The following DAAM2 variants were observed in gnomAD, a reference collection of about 807,000 sequenced individuals.
DAAM2 encodes the protein dishevelled associated activator of morphogenesis 2.
DAAM2 carries 39 observed loss-of-function variants against 120.7 expected under a neutral mutation model. That is an observed-to-expected ratio of 0.32 (90% CI 0.25 to 0.42). DAAM2 has a LOEUF of 0.42. Among genes scored for constraint, DAAM2 ranks in the 10% least tolerant of loss-of-function variants. The pLI, the probability that DAAM2 is intolerant of heterozygous loss-of-function variation, is 1.00. For synonymous variants in DAAM2, 488 were observed against 524.9 expected, an observed-to-expected ratio of 0.93 and a Z score of 0.96; for missense variants, 1,283 against 1,401.7, an observed-to-expected ratio of 0.92 and a Z score of 1.35.
At chr6:39,836,439 C>T (rs887772460) in intron 1 of DAAM2, among the ~76,000 whole-genome samples, 22 of 152,164 alleles carry the variant, frequency 1.4e-4, no homozygotes, top group African/African-American at 3.4e-4. Flanking sequence ...ACAAGAAAAA[C>T]GCGAGGTCAT....
chr6:39,821,021 G>A (rs1402526495), intron 1 of DAAM2: 5 of 152,290 alleles, frequency 3.3e-5, no homozygotes, highest in Non-Finnish European at 7.3e-5. Context: ...GGAGAAGCTT[G>A]TCATACCACA....
Position 39,867,816 on chromosome 6 carries a change from G to A in DAAM2, c.735G>A (p.Val245=), listed in dbSNP as rs1314106894. 1.2e-6 allele frequency: 2 copies of A among 1,606,166 alleles called. No homozygotes were observed. Among genetic ancestry groups the A allele is most frequent in the Non-Finnish European group, 1.7e-6 (2 of 1,176,818 alleles). ...TGCAGGCCATGCTGCACTACCAGGT[G>A]TATGCAGCAGAGCGAACCCGCTTCC... ...KVLQAMLHYQ[V]YAAERTRFQT... is the part of the protein sequence containing the mutation. Residue 245 remains valine (V), a synonymous_variant, in exon 6 of 25, where the codon GTG becomes GTA. Transcript: ENST00000274867.
At chr6:39,896,781 G>A (rs9380909) in intron 19 of DAAM2, 31 bp from the exon 20 acceptor site, 60,583 of 1,530,224 alleles carry the variant, frequency 0.04, 3,653 homozygotes, top group East Asian at 0.23. Context: ...CCTAGCCCAT[G>A]CAGGCCTCTG....
At chr6:39,880,578 T>G (rs879423815) in intron 14 of DAAM2, among the ~76,000 whole-genome samples, 1 of 152,106 alleles carries the variant, frequency 6.6e-6, no homozygotes, top group South Asian at 2.1e-4. Context: ...CTGAGATGAG[T>G]TAAGGGTGAG....
Position 39,902,300 on chromosome 6 carries a change from G to C in DAAM2, c.*263G>C, listed in dbSNP as rs1766540784. On this transcript the variant is annotated 3_prime_UTR_variant, in exon 25 of 25. Transcript: ENST00000274867. ...GGCTGCCTTGGATGGCCTCAGGCCAGGTAACCCCAGGCTGAAGGGGCCCTG... is the reference window on the plus strand; with the variant it reads ...GGCTGCCTTGGATGGCCTCAGGCCACGTAACCCCAGGCTGAAGGGGCCCTG... 2 of 358,668 alleles carry C rather than the reference G, an allele frequency of 5.6e-6. No homozygotes were observed. The highest frequency in any genetic ancestry group is 1.6e-4 in the South Asian group (2 of 12,596). 22.2% of individuals were successfully genotyped at this position (358,668 alleles called of 1,614,324 possible).
intron 21 of DAAM2, 158 bp downstream of exon 21, chr6:39,897,440 G>A: frequency 1.7e-6 from 1 of 592,260 alleles, no homozygotes; most frequent in Non-Finnish European, 3.0e-6. Context: ...ACACAGCAAA[G>A]GGGGTTTAGC....
intron 1 of DAAM2, among the ~76,000 whole-genome samples, chr6:39,809,481 T>G (rs1423160929): frequency 2.0e-5 from 3 of 152,108 alleles, no homozygotes; most frequent in Non-Finnish European, 4.4e-5. Flanking sequence ...AGGAAAGAAA[T>G]CTGAAGAGGT....
At position 39,874,314 on chromosome 6, in the gene DAAM2, A is replaced by G. The variant is rs531739919; in HGVS notation, c.1162+959A>G. Among the ~76,000 whole-genome samples the G allele has an allele frequency of 2.0e-5, 3 of 152,302 alleles. No individual in the cohort carries two copies. In the South Asian group the frequency reaches 6.2e-4, roughly 32 times the overall value. The stretch of plus-strand genomic sequence containing the variant: ...TGGCTTTACACGATTTTGCTGGGTG[A>G]AAAGTAGATGGTAAATGATACAACT... On this transcript the variant is annotated intron_variant, in intron 10 of 24. Coordinates refer to ENST00000274867, the MANE Select transcript of DAAM2 (RefSeq NM_001201427.2).
chr6:39,895,575 C>A (rs549847371), intron 19 of DAAM2, among the ~76,000 whole-genome samples: 14 of 152,124 alleles, frequency 9.2e-5, no homozygotes, highest in African/African-American at 3.4e-4. Flanking sequence ...TTAGCAAAGT[C>A]GTTTTCATTT....
At chr6:39,834,258 AG>A (rs2114218964) in intron 1 of DAAM2, among the ~76,000 whole-genome samples, 1 of 152,262 alleles carries the variant, frequency 6.6e-6, no homozygotes, top group Non-Finnish European at 1.5e-5. Flanking sequence ...AGATTTAGAG[AG>A]GGGCTTGTTG....
At chr6:39,876,506 G>A (rs1025122091) in intron 11 of DAAM2, among the ~76,000 whole-genome samples, 4 of 152,178 alleles carry the variant, frequency 2.6e-5, no homozygotes, top group Non-Finnish European at 4.4e-5. Flanking sequence ...CTTTTCCACT[G>A]CCAGAGGATA....
At chr6:39,884,256 G>T in intron 15 of DAAM2, 187 bp downstream of exon 15, 1 of 551,464 alleles carries the variant, frequency 1.8e-6, no homozygotes, top group South Asian at 2.7e-5. Context: ...TTCTTTATGA[G>T]GTGATGATTT....
chr6:39,895,797 G>C (rs1766043293), intron 19 of DAAM2, among the ~76,000 whole-genome samples: 1 of 152,176 alleles, frequency 6.6e-6, no homozygotes. Flanking sequence ...ACAGCAGAAT[G>C]AATTATTGAA....
intron 7 of DAAM2, among the ~76,000 whole-genome samples, chr6:39,869,751 T>A (rs1256283081): frequency 1.6e-4 from 19 of 119,362 alleles, no homozygotes; most frequent in Non-Finnish European, 2.5e-4. Context: ...TCCGCCAGCA[T>A]ACTTTTTTTT....
At position 39,867,767 on chromosome 6, in the gene DAAM2, T is replaced by G; in HGVS notation, c.686T>G (p.Val229Gly). The G allele has an allele frequency of 6.2e-7, 1 of 1,613,724 alleles. No homozygotes were observed. Among genetic ancestry groups the G allele is most frequent in the Non-Finnish European group, 8.5e-7 (1 of 1,179,850 alleles). The change falls in exon 6 of 25, where the codon GTG becomes GGG. Residue 229 changes from valine (V) to glycine (G), a missense_variant. Val to Gly is a moderately radical substitution (Grantham distance 109). Coordinates refer to ENST00000274867, the MANE Select transcript of DAAM2 (RefSeq NM_001201427.2). ...GAGATCCTGGGTGCTGTGTGCCTCG[T>G]GCCTGGTGGCCACAAGAAGGTGCTG... ...VLEILGAVCL[V>G]PGGHKKVLQA...
rs1308259243 is a variant in DAAM2, at chr6:39,901,079, G to A, written c.2812-223G>A. 6.6e-6 allele frequency among the ~76,000 whole-genome samples: 1 copy of A among 152,112 alleles called. No individual in the cohort carries two copies. The highest frequency in any genetic ancestry group is 1.5e-5 in the Non-Finnish European group (1 of 68,028). The stretch of plus-strand genomic sequence containing the variant: ...CTTACAGGCCCAGGGGTGGCTCTAA[G>A]GTGGACTGAGTGAGCCCAACTCTTT... On this transcript the variant is annotated intron_variant, in intron 23 of 24. Coordinates refer to ENST00000274867, the MANE Select transcript of DAAM2 (RefSeq NM_001201427.2). The surrounding 1 kb of genome is among the most constrained non-coding windows in gnomAD (Gnocchi z 4.5).
intron 1 of DAAM2, among the ~76,000 whole-genome samples, chr6:39,807,597 A>C (rs1222300134): frequency 6.6e-6 from 1 of 151,886 alleles, no homozygotes; most frequent in African/African-American, 2.4e-5. Flanking sequence ...TTTCACTGCA[A>C]CCTCCGCCTC....
intron 11 of DAAM2, among the ~76,000 whole-genome samples, chr6:39,875,753 C>CCAT (rs1764843890): frequency 6.6e-6 from 1 of 152,158 alleles, no homozygotes; most frequent in African/African-American, 2.4e-5. Context: ...AGCCACATGA[C>CCAT]ACGTGGCTAG....
rs781432003 is a variant in DAAM2 at position 39,868,835 on chromosome 6, G to A, written c.775G>A (p.Glu259Lys). ...ERTRFQTLLNELDRSLGRYRD... is the reference protein window; with the variant it reads ...ERTRFQTLLNKLDRSLGRYRD... The stretch of plus-strand genomic sequence containing the variant: ...CATTTCCACCTAGACCCTGCTGAAC[G>A]AGCTAGACCGAAGTCTGGGCCGGTA... The change falls in exon 7 of 25, where the codon GAG becomes AAG. Residue 259 changes from glutamate (E) to lysine (K), a missense_variant. Coordinates refer to ENST00000274867, the MANE Select transcript of DAAM2 (RefSeq NM_001201427.2). The A allele has an allele frequency of 5.1e-6, 8 of 1,579,520 alleles. No individual in the cohort carries two copies. Among genetic ancestry groups the A allele is most frequent in the East Asian group, 2.3e-5 (1 of 42,968 alleles).
Sources: allele counts gnomAD v4.1 joint callset (sites outside exome capture counted in the v4.1 genomes callset), GRCh38; gene constraint gnomAD v4.1.1; non-coding constraint Gnocchi (gnomAD v3.1); transcripts MANE v1.5; gene names NCBI Gene and HGNC (gene_info 2026-07-23, HGNC 2026-07-21).